Variants in SH3TC2 observed in about 807,000 individuals in gnomAD.
SH3TC2 encodes the protein SH3 domain and tetratricopeptide repeat-containing protein 2.
SH3TC2 carries 87 observed loss-of-function variants against 124.5 expected under a neutral mutation model. The ratio of observed to expected loss-of-function variants is 0.70; its 90% CI spans 0.59 to 0.84. SH3TC2 has a LOEUF of 0.84. Among genes scored for constraint, SH3TC2 ranks in the 40% least tolerant of loss-of-function variants. The pLI is 0.00. For synonymous variants in SH3TC2, 634 were observed against 628.5 expected, an observed-to-expected ratio of 1.01 and a Z score of -0.13; for missense variants, 1,536 against 1,566.4, an observed-to-expected ratio of 0.98 and a Z score of 0.33.
Position 149,027,239 on chromosome 5 carries a change from ACT to A in SH3TC2, c.2491_2492del (p.Leu832HisfsTer8), listed in dbSNP as rs80338929. ...PLLCSLKETE[S>X]LTQRGVIYNL... ...TATAGATGACTCCCCTTTGAGTGAG[ACT>A]CTCTGTCTCCTTCAGGGAGCATAGC... On this transcript the variant is annotated frameshift_variant, in exon 11 of 17. Coordinates refer to ENST00000515425, the MANE Select transcript of SH3TC2 (RefSeq NM_024577.4). LOFTEE classifies it high-confidence loss of function. 13 of 1,613,950 alleles carry A rather than the reference ACT, an allele frequency of 8.1e-6. No homozygotes were observed. The highest frequency in any genetic ancestry group is 1.1e-5 in the South Asian group (1 of 91,090).
At chr5:149,043,307 C>A (rs1371174006) in intron 4 of SH3TC2, among the ~76,000 whole-genome samples, 1 of 152,164 alleles carries the variant, frequency 6.6e-6, no homozygotes, top group Non-Finnish European at 1.5e-5. Flanking sequence ...TTTCCTTCCA[C>A]CCACCAGCTC....
chr5:149,052,825 G>A (rs1754581397), intron 1 of SH3TC2, among the ~76,000 whole-genome samples: 1 of 152,188 alleles, frequency 6.6e-6, no homozygotes, highest in Non-Finnish European at 1.5e-5. Flanking sequence ...ACAGGCTAGG[G>A]CTGGGGAGGA....
chr5:149,039,709 T>C (rs1325871691), intron 7 of SH3TC2, among the ~76,000 whole-genome samples: 1 of 152,158 alleles, frequency 6.6e-6, no homozygotes, highest in African/African-American at 2.4e-5. Context: ...AGTTGCAACA[T>C]AGGGCAGGTG....
chr5:149,017,763 A>T (rs1753900090), intron 12 of SH3TC2, among the ~76,000 whole-genome samples: 2 of 152,166 alleles, frequency 1.3e-5, no homozygotes, highest in African/African-American at 4.8e-5. Flanking sequence ...AGCCTTCCAC[A>T]CCTATTTCTT....
intron 1 of SH3TC2, among the ~76,000 whole-genome samples, chr5:149,058,422 GT>G (rs1485363354): frequency 1.1e-4 from 16 of 152,120 alleles, no homozygotes; most frequent in Admixed American, 2.0e-4. Context: ...TTGTTTCAAT[GT>G]GCATTTCCCT....
intron 2 of SH3TC2, among the ~76,000 whole-genome samples, chr5:149,050,130 A>G (rs1403246303): frequency 2.0e-5 from 3 of 152,150 alleles, no homozygotes; most frequent in Non-Finnish European, 4.4e-5. Context: ...AACTCAAAAG[A>G]CCTGGACTTA....
rs1554121710 is a variant in SH3TC2, at chr5:149,027,938, C to G, written c.1794G>C (p.Leu598=). The G allele has an allele frequency of 6.2e-7, 1 of 1,614,146 alleles. No homozygotes were observed. Among genetic ancestry groups the G allele is most frequent in the Admixed American group, 1.7e-5 (1 of 60,034 alleles). Residue 598 remains leucine (L), a synonymous_variant, in exon 11 of 17, where the codon CTG becomes CTC. Transcript: ENST00000515425. ...GSALLEKAGA[L]LACLPDRESS... is the part of the protein sequence containing the mutation. Reference sequence around the variant, plus strand: ...ACTCACGGTCAGGCAGGCAGGCCAGCAGGGCACCTGCCTTTTCCAACAGGG... The same window carrying G: ...ACTCACGGTCAGGCAGGCAGGCCAGGAGGGCACCTGCCTTTTCCAACAGGG...
At chr5:149,023,727 C>A (rs527918662) in intron 12 of SH3TC2, among the ~76,000 whole-genome samples, 3 of 151,894 alleles carry the variant, frequency 2.0e-5, no homozygotes, top group African/African-American at 7.3e-5. Flanking sequence ...GGATTACAGG[C>A]ACCCACCACC....
At chr5:149,053,188 G>C (rs1298627652) in intron 1 of SH3TC2, among the ~76,000 whole-genome samples, 2 of 152,162 alleles carry the variant, frequency 1.3e-5, no homozygotes, top group Non-Finnish European at 1.5e-5. Flanking sequence ...GGCCTACCAA[G>C]TTTTGCATAC....
rs886060184 is a variant in SH3TC2, at chr5:149,003,401, C to T, written c.*1310G>A. The T allele has an allele frequency of 6.3e-5, 10 of 158,270 alleles. No individual in the cohort carries two copies. The highest frequency in any genetic ancestry group is 1.8e-4 in the South Asian group (1 of 5,628). The allele number at this position is 158,270 out of a possible 1,614,324, so 9.8% of individuals were successfully genotyped here. A position where few individuals can be genotyped will look rare whatever the true frequency, so the allele number is the denominator to read the frequency against. ...TGTGACTGCCCTGTGGAGAGGCCCA[C>T]GTGGCAAGTGGCTGCAGGAAGCCTC... is the stretch of plus-strand genomic sequence containing the variant. On this transcript the variant is annotated 3_prime_UTR_variant, in exon 17 of 17. Coordinates refer to ENST00000515425, the MANE Select transcript of SH3TC2 (RefSeq NM_024577.4).
Position 149,010,536 on chromosome 5 carries a change from G to A in SH3TC2, c.3205-144C>T, listed in dbSNP as rs574873414. ...AATCCTAAATGTCTTCACACTCCTA[G>A]GGCTGGTAAGAGGACTTTAGACATT... On this transcript the variant is annotated intron_variant, in intron 13 of 16. Transcript: ENST00000515425. The A allele has an allele frequency of 3.8e-5, 42 of 1,095,078 alleles. No individual in the cohort carries two copies. The South Asian group carries it at 4.2e-4, about 11-fold the overall frequency. 67.8% of individuals were successfully genotyped at this position (1,095,078 alleles called of 1,614,324 possible).
intron 12 of SH3TC2, among the ~76,000 whole-genome samples, chr5:149,017,719 C>T (rs1753899410): frequency 6.6e-6 from 1 of 152,174 alleles, no homozygotes; most frequent in Non-Finnish European, 1.5e-5. Context: ...AAAAACGAGG[C>T]CCCTCCATAC....
chr5:149,061,043 C>T lies in SH3TC2; in HGVS notation c.52+1928G>A, dbSNP rs566452827. Among the ~76,000 whole-genome samples, 25 of 152,194 alleles carry T rather than the reference C, an allele frequency of 1.6e-4. No individual in the cohort carries two copies. The South Asian group carries it at 5.0e-3, about 30-fold the overall frequency. On this transcript the variant is annotated intron_variant, in intron 1 of 16. Coordinates refer to ENST00000515425, the MANE Select transcript of SH3TC2 (RefSeq NM_024577.4). ...CAATATCAACCTCGCTAGGGAAAGG[C>T]CCTGACACATACAGGGAATAATATG...
rs71957589 is a variant in SH3TC2 at position 148,987,809 on chromosome 5, CTGTGTGTGTGTGTGTG to C, written c.*16886_*16901del. On this transcript the variant is annotated 3_prime_UTR_variant, in exon 17 of 17. Coordinates refer to ENST00000515425, the MANE Select transcript of SH3TC2 (RefSeq NM_024577.4). Reference sequence around the variant, plus strand: ...CCTCACTCGAGGCCTCATTCAAAATCTGTGTGTGTGTGTGTGTGTGTGTGTGTGTGTGTGTGTGTGT... The same window carrying C: ...CCTCACTCGAGGCCTCATTCAAAATCTGTGTGTGTGTGTGTGTGTGTGTGT... 3.1e-3 allele frequency among the ~76,000 whole-genome samples: 425 copies of C among 135,416 alleles called. 2 individuals carry two copies. Among genetic ancestry groups the C allele is most frequent in the African/African-American group, 0.011 (383 of 36,200 alleles). The allele number at this position is 135,416 out of a possible 152,430, so 88.8% of individuals were successfully genotyped here.
rs1429683153 is a variant in SH3TC2 at position 149,000,868 on chromosome 5, T to A, written c.*3843A>T. Among the ~76,000 whole-genome samples the A allele has an allele frequency of 1.3e-5, 2 of 152,220 alleles. No homozygotes were observed. The highest frequency in any genetic ancestry group is 2.9e-5 in the Non-Finnish European group (2 of 68,040). The stretch of plus-strand genomic sequence containing the variant: ...TAATTGAGCTATAAAAATATATTAT[T>A]TCATCTCTCCAATACTATTTCTCAT... On this transcript the variant is annotated 3_prime_UTR_variant, in exon 17 of 17. Coordinates refer to ENST00000515425, the MANE Select transcript of SH3TC2 (RefSeq NM_024577.4).
At chr5:149,058,764 G>T (rs969383248) in intron 1 of SH3TC2, among the ~76,000 whole-genome samples, 3 of 152,064 alleles carry the variant, frequency 2.0e-5, no homozygotes, top group Non-Finnish European at 2.9e-5. Context: ...GATAAGTATG[G>T]TAGGTTCAAG....
intron 10 of SH3TC2, 46 bp downstream of exon 10, chr5:149,028,631 G>T (rs764761385): frequency 2.4e-5 from 38 of 1,613,606 alleles, no homozygotes; most frequent in Non-Finnish European, 3.1e-5. Context: ...GGACAGAAGT[G>T]CTGTCCTCAA....
rs1056865491 is a variant in SH3TC2, at chr5:148,984,509, A to C, written c.*20202T>G. On this transcript the variant is annotated 3_prime_UTR_variant, in exon 17 of 17. Transcript: ENST00000515425. The stretch of plus-strand genomic sequence containing the variant: ...TGTCTGGGCTCATGACTCATGAGGA[A>C]GGTATGCAGGAAGAGGGAAAAGGTG... Among the ~76,000 whole-genome samples the C allele has an allele frequency of 6.6e-6, 1 of 152,172 alleles. No individual in the cohort carries two copies. The highest frequency in any genetic ancestry group is 2.4e-5 in the African/African-American group (1 of 41,444).
chr5:149,062,725 AG>A (rs1227816630), intron 1 of SH3TC2, among the ~76,000 whole-genome samples: 1 of 152,228 alleles, frequency 6.6e-6, no homozygotes, highest in East Asian at 1.9e-4. Flanking sequence ...AGTGCTGCTC[AG>A]CTCCTGACAG....
Sources: gnomAD v4.1 joint callset for allele counts (sites outside exome capture counted in the v4.1 genomes callset) on GRCh38, gnomAD v4.1.1 for gene constraint, MANE v1.5 for transcripts, NCBI Gene and HGNC (gene_info 2026-07-23, HGNC 2026-07-21) for gene names.